The following LYZ variants were observed in gnomAD, a reference collection of about 807,000 sequenced individuals.
The protein encoded by LYZ is lysozyme.
In LYZ, 18 loss-of-function variants were observed where a neutral mutation model predicts 15.8. The observed-to-expected ratio is 1.14, with a 90% CI of 0.79 to 1.69. LYZ has a LOEUF of 1.69. LYZ is among the 40% of genes most tolerant of loss of function. LYZ has a pLI of 0.00. For synonymous variants in LYZ, 60 were observed against 61.7 expected (o/e 0.97, Z 0.13); for missense variants, 139 against 182.8 (o/e 0.76, Z 1.38).
At chr12:69,350,307 A>G (rs1405886130) in intron 2 of LYZ, 35 bp downstream of exon 2, 1 of 1,610,784 alleles carries the variant, frequency 6.2e-7, no homozygotes, top group Non-Finnish European at 8.5e-7. Flanking sequence ...ATCTGGTTAT[A>G]CTTACAAGAA....
intron 3 of LYZ, among the ~76,000 whole-genome samples, chr12:69,352,730 C>T (rs1874869038): frequency 6.6e-6 from 1 of 152,168 alleles, no homozygotes; most frequent in Non-Finnish European, 1.5e-5. Flanking sequence ...AAAAAATTAG[C>T]TGGGTGTGGT....
chr12:69,348,885 A>G (rs752765411), intron 1 of LYZ, among the ~76,000 whole-genome samples: 1 of 152,212 alleles, frequency 6.6e-6, no homozygotes, highest in Non-Finnish European at 1.5e-5. Context: ...AGTCCTTGGT[A>G]TGTGACTCCA....
chr12:69,350,737 C>CTTTTTTTTTTTTTTTTTTTTT (rs60163961), intron 2 of LYZ, among the ~76,000 whole-genome samples: 6 of 26,046 alleles, frequency 2.3e-4, no homozygotes, highest in African/African-American at 5.0e-4. Context: ...TCTTCTATGC[C>CTTTTTTTTTTTTTTTTTTTTT]TTTTTTTTTT....
chr12:69,352,128 C>A (rs1874855377), intron 2 of LYZ, 92 bp from the exon 3 acceptor site: 6 of 804,674 alleles, frequency 7.5e-6, no homozygotes, highest in Non-Finnish European at 1.3e-5. Flanking sequence ...TCTTACCATT[C>A]TTTCCACAGC....
intron 1 of LYZ, among the ~76,000 whole-genome samples, chr12:69,349,535 G>A (rs185823653): frequency 4.7e-4 from 71 of 152,230 alleles, no homozygotes; most frequent in African/African-American, 1.4e-3. Flanking sequence ...CATAGTTGTC[G>A]ATGTAATAAT....
At position 69,353,549 on chromosome 12, in the gene LYZ, C is replaced by T. The variant is rs886049805; in HGVS notation, c.*330C>T. The T allele has an allele frequency of 7.1e-5, 21 of 296,922 alleles. No individual in the cohort carries two copies. Among genetic ancestry groups the T allele is most frequent in the Admixed American group, 1.7e-4 (3 of 18,028 alleles). The allele number at this position is 296,922 out of a possible 1,614,324, so 18.4% of individuals were successfully genotyped here. On this transcript the variant is annotated 3_prime_UTR_variant, in exon 4 of 4. Transcript: ENST00000261267. ...TGTCGCCCAGGCTGGAGTGCAGTGG[C>T]GCAATCTCGGCTCACTGCAACCTCC...
rs150655870 is a variant in LYZ, at chr12:69,350,257, C to A, written c.286C>A (p.His96Asn). The change falls in exon 2 of 4, where the codon CAT (histidine) becomes AAT (asparagine). Residue 96 changes from histidine (H) to asparagine (N), a missense_variant. Coordinates refer to ENST00000261267, the MANE Select transcript of LYZ (RefSeq NM_000239.3). ...AACCCCAGGAGCAGTTAATGCCTGT[C>A]ATTTATCCTGCAGTGGTAAGACAAG... is the stretch of plus-strand genomic sequence containing the variant. ...GKTPGAVNAC[H>N]LSCSALLQDN... The A allele has an allele frequency of 3.1e-5, 50 of 1,614,052 alleles. No individual in the cohort carries two copies. Among genetic ancestry groups the A allele is most frequent in the African/African-American group, 2.4e-4 (18 of 75,026 alleles).
chr12:69,352,167 A>T (rs1313345660), intron 2 of LYZ, 53 bp from the exon 3 acceptor site: 1 of 1,339,998 alleles, frequency 7.5e-7, no homozygotes, highest in Non-Finnish European at 1.1e-6. Flanking sequence ...CTAAACCTAA[A>T]TTTAAAATAA....
intron 1 of LYZ, 91 bp from the exon 2 acceptor site, chr12:69,350,017 T>G: frequency 9.6e-7 from 1 of 1,038,524 alleles, no homozygotes; most frequent in Non-Finnish European, 1.5e-6. Context: ...AACAAATCAG[T>G]AAAATAGAAG....
chr12:69,353,353 C>G lies in LYZ; in HGVS notation c.*134C>G, dbSNP rs1874886550. On this transcript the variant is annotated 3_prime_UTR_variant, in exon 4 of 4. Transcript: ENST00000261267. ...TTACAGAAGCAGGAGCAAAATATGG[C>G]CTTTCTTCTAAGAGATATAATGTTC... The G allele has an allele frequency of 1.3e-6, 1 of 760,924 alleles. No individual in the cohort carries two copies. Among genetic ancestry groups the G allele is most frequent in the African/African-American group, 1.7e-5 (1 of 58,202 alleles). 47.1% of individuals were successfully genotyped at this position (760,924 alleles called of 1,614,324 possible).
chr12:69,352,197 A>G, intron 2 of LYZ, 23 bp from the exon 3 acceptor site: 2 of 1,574,940 alleles, frequency 1.3e-6, no homozygotes, highest in African/African-American at 1.3e-5. Flanking sequence ...TAAAGTTTTT[A>G]TTCCTTACCA....
intron 2 of LYZ, among the ~76,000 whole-genome samples, chr12:69,351,868 A>T (rs574791821): frequency 1.3e-5 from 2 of 152,170 alleles, no homozygotes; most frequent in African/African-American, 2.4e-5. Context: ...CTTTTTGTAT[A>T]CATCTTTGGG....
Position 69,353,689 on chromosome 12 carries a change from C to G in LYZ, c.*470C>G. 1 of 207,088 alleles carries G rather than the reference C, an allele frequency of 4.8e-6. No individual in the cohort carries two copies. The highest frequency in any genetic ancestry group is 9.8e-6 in the Non-Finnish European group (1 of 101,584). The allele number at this position is 207,088 out of a possible 1,614,324, so 12.8% of individuals were successfully genotyped here. A position where few individuals can be genotyped will look rare whatever the true frequency, so the allele number is the denominator to read the frequency against. On this transcript the variant is annotated 3_prime_UTR_variant, in exon 4 of 4. Transcript: ENST00000261267. ...ATTTTTAGTAGAGACAGGGTTTCACCGTGTTAGCCAGGATGGTCTCGATCT... is the reference window on the plus strand; with the variant it reads ...ATTTTTAGTAGAGACAGGGTTTCACGGTGTTAGCCAGGATGGTCTCGATCT...
Position 69,353,494 on chromosome 12 carries a change from G to GTTATTTTTTTTTTTTTTT in LYZ, c.*277_*278insATTTTTTTTTTTTTTTTT. The GTTATTTTTTTTTTTTTTT allele has an allele frequency of 4.7e-6, 1 of 211,310 alleles. No individual in the cohort carries two copies. The highest frequency in any genetic ancestry group is 7.8e-6 in the Non-Finnish European group (1 of 128,020). 13.1% of individuals were successfully genotyped at this position (211,310 alleles called of 1,614,324 possible). ...ATCAAATACATCTCCAGTACATTCC[G>GTTATTTTTTTTTTTTTTT]TTCTTTTTTTTTTTGAGACAGTCTC... On this transcript the variant is annotated 3_prime_UTR_variant, in exon 4 of 4. Coordinates refer to ENST00000261267, the MANE Select transcript of LYZ (RefSeq NM_000239.3).
At chr12:69,349,964 T>A (rs1472536370) in intron 1 of LYZ, 144 bp from the exon 2 acceptor site, 11 of 696,496 alleles carry the variant, frequency 1.6e-5, no homozygotes, top group African/African-American at 3.6e-5. Flanking sequence ...ATCTTAACAC[T>A]AAAGTGCTAA....
chr12:69,349,901 G>A (rs989303228), intron 1 of LYZ, among the ~76,000 whole-genome samples: 1 of 152,136 alleles, frequency 6.6e-6, no homozygotes, highest in East Asian at 1.9e-4. Context: ...TATATTGTTC[G>A]TTGGTGTTAC....
chr12:69,350,060 T>TAA lies in LYZ; in HGVS notation c.137-47_137-46dup. On this transcript the variant is annotated intron_variant, in intron 1 of 3. Transcript: ENST00000261267. ...GTAGAACTGATTTTGCTATAGAGTATAAGTCACTTAGTGTTGCTGTTTATT... is the reference window on the plus strand; with the variant it reads ...GTAGAACTGATTTTGCTATAGAGTATAAAAGTCACTTAGTGTTGCTGTTTATT... 2.0e-6 allele frequency: 3 copies of TAA among 1,530,658 alleles called. No individual in the cohort carries two copies. The African/African-American group carries it at 4.1e-5, about 21-fold the overall frequency. 94.8% of individuals were successfully genotyped at this position (1,530,658 alleles called of 1,614,324 possible).
At chr12:69,353,076 C>G in intron 3 of LYZ, 77 bp from the exon 4 acceptor site, 1 of 977,972 alleles carries the variant, frequency 1.0e-6, no homozygotes, top group Non-Finnish European at 1.7e-6. Flanking sequence ...TTTTGTTTCC[C>G]CAAGGAGTGC....
In LYZ at chr12:69,348,427, C is replaced by A; in HGVS notation, c.19C>A (p.Leu7Met). Residue 7 changes from leucine (L) to methionine (M), a missense_variant, in exon 1 of 4, where the codon CTG becomes ATG. Physicochemically the swap from Leu to Met is conservative, Grantham distance 15. Coordinates refer to ENST00000261267, the MANE Select transcript of LYZ (RefSeq NM_000239.3). Reference protein sequence around the residue: MKALIVLGLVLLSVTVQ... With the variant: MKALIVMGLVLLSVTVQ... ...AGTCAACATGAAGGCTCTCATTGTTCTGGGGCTTGTCCTCCTTTCTGTTAC... is the reference window on the plus strand; with the variant it reads ...AGTCAACATGAAGGCTCTCATTGTTATGGGGCTTGTCCTCCTTTCTGTTAC... The A allele has an allele frequency of 6.2e-7, 1 of 1,614,170 alleles. No homozygotes were observed. Among genetic ancestry groups the A allele is most frequent in the Non-Finnish European group, 8.5e-7 (1 of 1,180,030 alleles).
Sources: allele counts gnomAD v4.1 joint callset (sites outside exome capture counted in the v4.1 genomes callset), GRCh38; gene constraint gnomAD v4.1.1; transcripts MANE v1.5; gene names NCBI Gene and HGNC (gene_info 2026-07-23, HGNC 2026-07-21).